CSPP1: variants seen among roughly 807,000 people sequenced by gnomAD.
CSPP1 encodes centrosome and spindle pole associated protein 1.
Under a neutral mutation model 164.4 loss-of-function variants are expected in CSPP1, and 126 were observed. That is an observed-to-expected ratio of 0.77 (90% CI 0.66 to 0.89). CSPP1 has a LOEUF of 0.89. Ranked by LOEUF, CSPP1 falls within the 40% of genes least tolerant of loss-of-function variation. The pLI is 0.00. For missense variants in CSPP1, 1,395 were observed against 1,449.8 expected (o/e 0.96, Z 0.61); for synonymous variants, 472 against 476.7 (o/e 0.99, Z 0.13).
rs148341730 is a variant in CSPP1, at chr8:67,068,502, T to C, written c.-11+3964T>C. Among the ~76,000 whole-genome samples the C allele has an allele frequency of 1.9e-3, 284 of 152,366 alleles. 4 individuals carry two copies. The highest frequency in any genetic ancestry group is 6.6e-3 in the African/African-American group (273 of 41,584). ...TAATCTCATTTAGGTTTCTTTCAGC[T>C]GATTTATTTTTGGCAACTTAATCCT... On this transcript the variant is annotated intron_variant, in intron 1 of 30. Coordinates refer to ENST00000678616, the MANE Select transcript of CSPP1 (RefSeq NM_001382391.1).
At chr8:67,145,709 G>A (rs1270536866) in intron 17 of CSPP1, among the ~76,000 whole-genome samples, 2 of 151,766 alleles carry the variant, frequency 1.3e-5, no homozygotes, top group Non-Finnish European at 2.9e-5. Context: ...TGTATTTTTA[G>A]TAGAGACGGG....
intron 17 of CSPP1, among the ~76,000 whole-genome samples, chr8:67,144,905 A>T (rs1430612999): frequency 7.5e-6 from 1 of 133,484 alleles, no homozygotes; most frequent in Non-Finnish European, 1.6e-5. Context: ...TATCTCTACT[A>T]AAAAAAAAAA....
intron 10 of CSPP1, 64 bp downstream of exon 10, chr8:67,112,129 A>C: frequency 9.2e-7 from 1 of 1,090,518 alleles, no homozygotes; most frequent in Non-Finnish European, 1.4e-6. Flanking sequence ...GTAAAATGAC[A>C]TGGTTAAATA....
At position 67,132,083 on chromosome 8, in the gene CSPP1, A is replaced by G. The variant is rs1449112719; in HGVS notation, c.1827+3A>G. The G allele has an allele frequency of 2.5e-6, 4 of 1,611,674 alleles. No homozygotes were observed. The highest frequency in any genetic ancestry group is 1.1e-5 in the South Asian group (1 of 90,572). On this transcript the variant is annotated splice_donor_region_variant and intron_variant, in intron 16 of 30. Coordinates refer to ENST00000678616, the MANE Select transcript of CSPP1 (RefSeq NM_001382391.1). ...ACCAAGAGGCTTTGCAGCAGCAGGT[A>G]TTGATTCATTTACTCATTTACTGTT...
intron 1 of CSPP1, among the ~76,000 whole-genome samples, chr8:67,073,979 C>T (rs967371947): frequency 4.6e-5 from 7 of 152,014 alleles, no homozygotes; most frequent in Admixed American, 2.0e-4. Flanking sequence ...TGCTTGCCTT[C>T]GTTTTTTGCC....
chr8:67,143,952 T>G (rs867565595), intron 17 of CSPP1, among the ~76,000 whole-genome samples: 1 of 152,334 alleles, frequency 6.6e-6, no homozygotes, highest in Middle Eastern at 3.4e-3. Context: ...AATTGCCTTT[T>G]ACACTGTTTA....
At chr8:67,180,481 T>C (rs1832747743) in intron 28 of CSPP1, among the ~76,000 whole-genome samples, 1 of 152,148 alleles carries the variant, frequency 6.6e-6, no homozygotes, top group Admixed American at 6.5e-5. Context: ...AGAGGGATCC[T>C]TGTGGTTTGG....
intron 4 of CSPP1, among the ~76,000 whole-genome samples, chr8:67,088,478 C>A (rs1342870606): frequency 2.6e-5 from 4 of 151,478 alleles, no homozygotes; most frequent in African/African-American, 9.7e-5. Flanking sequence ...TTAGTAGAGA[C>A]GGGGTTTCAC....
At chr8:67,137,336 A>G (rs1586424416) in intron 16 of CSPP1, 120 bp from the exon 17 acceptor site, 1 of 743,782 alleles carries the variant, frequency 1.3e-6, no homozygotes, top group Non-Finnish European at 2.0e-6. Context: ...CACTGGGGAA[A>G]AAAAAAAAAG....
At chr8:67,122,599 T>C (rs1017498273) in intron 15 of CSPP1, among the ~76,000 whole-genome samples, 2 of 152,232 alleles carry the variant, frequency 1.3e-5, no homozygotes, top group Admixed American at 1.3e-4. Flanking sequence ...GAACAAACTT[T>C]GTATGATTTC....
chr8:67,151,177 G>A (rs1825625196), intron 18 of CSPP1, among the ~76,000 whole-genome samples: 1 of 152,052 alleles, frequency 6.6e-6, no homozygotes, highest in Admixed American at 6.5e-5. Context: ...TTGTACCAGT[G>A]TTTTCTAATT....
intron 1 of CSPP1, among the ~76,000 whole-genome samples, chr8:67,071,602 C>A (rs1806796073): frequency 6.6e-6 from 1 of 152,208 alleles, no homozygotes; most frequent in South Asian, 2.1e-4. Context: ...CTAGCTCCAA[C>A]TTAACATATG....
intron 19 of CSPP1, 32 bp downstream of exon 19, chr8:67,154,168 C>T (rs1826235191): frequency 9.5e-7 from 1 of 1,055,896 alleles, no homozygotes; most frequent in Admixed American, 1.9e-5. Flanking sequence ...TTCAAAGTTT[C>T]ATGAGATTTT....
At chr8:67,170,653 T>G (rs558717752) in intron 24 of CSPP1, among the ~76,000 whole-genome samples, 2 of 152,256 alleles carry the variant, frequency 1.3e-5, no homozygotes, top group African/African-American at 4.8e-5. Context: ...CCATGAACAT[T>G]TTAAAGTAAG....
intron 18 of CSPP1, among the ~76,000 whole-genome samples, chr8:67,151,951 G>A (rs989339721): frequency 2.6e-5 from 4 of 151,676 alleles, no homozygotes; most frequent in Non-Finnish European, 4.4e-5. Flanking sequence ...AGCTGGGCGT[G>A]GTGGCATGTG....
intron 4 of CSPP1, among the ~76,000 whole-genome samples, chr8:67,089,628 G>A (rs1411922327): frequency 2.0e-5 from 3 of 151,966 alleles, no homozygotes; most frequent in Non-Finnish European, 2.9e-5. Flanking sequence ...CAGCTTGAAT[G>A]TATGCTTTTG....
intron 15 of CSPP1, among the ~76,000 whole-genome samples, chr8:67,120,863 T>TC (rs1392336034): frequency 6.6e-6 from 1 of 151,752 alleles, no homozygotes; most frequent in Non-Finnish European, 1.5e-5. Context: ...TTTCTTTCTT[T>TC]TTTTTTTTGA....
At chr8:67,124,819 C>T (rs1170233645) in intron 15 of CSPP1, among the ~76,000 whole-genome samples, 1 of 152,152 alleles carries the variant, frequency 6.6e-6, no homozygotes, top group African/African-American at 2.4e-5. Context: ...GTAGCTACTA[C>T]TCCCACTACG....
chr8:67,195,556 C>CT lies in CSPP1; in HGVS notation c.3647dup (p.Thr1217HisfsTer13). 6.2e-7 allele frequency: 1 copy of CT among 1,614,206 alleles called. No homozygotes were observed. The highest frequency in any genetic ancestry group is 8.5e-7 in the Non-Finnish European group (1 of 1,180,026). On this transcript the variant is annotated frameshift_variant, in exon 31 of 31. Coordinates refer to ENST00000678616, the MANE Select transcript of CSPP1 (RefSeq NM_001382391.1). LOFTEE classifies it high-confidence loss of function. The stretch of plus-strand genomic sequence containing the variant: ...CAGCAGATTCCTGGAAAACCAGGCA[C>CT]TTTCACTTGGCAGGGCCTGTCGACT...
Sources: allele counts gnomAD v4.1 joint callset (sites outside exome capture counted in the v4.1 genomes callset), GRCh38; gene constraint gnomAD v4.1.1; transcripts MANE v1.5; gene names NCBI Gene and HGNC (gene_info 2026-07-23, HGNC 2026-07-21).